The following SSBP3 variants were observed in gnomAD, a reference collection of about 807,000 sequenced individuals.
SSBP3 encodes single stranded DNA binding protein 3, also known as single-stranded DNA-binding protein 3.
Under a neutral mutation model 69.6 loss-of-function variants are expected in SSBP3, and 5 were observed. The observed-to-expected ratio is 0.07, with a 90% confidence interval of 0.04 to 0.15. The LOEUF (loss-of-function observed/expected upper bound fraction) is 0.15, where lower values mean the gene tolerates loss of function less well. Ranked by LOEUF, SSBP3 falls within the 10% of genes least tolerant of loss-of-function variation. The probability of loss-of-function intolerance (pLI) is 1.00; values close to 1 mark genes in which losing one functional copy is unlikely to be tolerated. For synonymous variants in SSBP3, 196 were observed against 193.4 expected, an observed-to-expected ratio of 1.01 and a Z score of -0.11; for missense variants, 312 against 534.0, an observed-to-expected ratio of 0.58 and a Z score of 4.10.
intron 4 of SSBP3, among the ~76,000 whole-genome samples, chr1:54,322,285 T>C (rs1348720281): frequency 6.6e-6 from 1 of 152,064 alleles, no homozygotes; most frequent in African/African-American, 2.4e-5. Context: ...GCATCAGAGA[T>C]TCATCGCAGC....
chr1:54,279,098 G>A (rs554219281), intron 5 of SSBP3, among the ~76,000 whole-genome samples: 15 of 152,264 alleles, frequency 9.9e-5, no homozygotes, highest in East Asian at 9.7e-4. Context: ...AAATGATGCC[G>A]GGAAGTGAGA....
chr1:54,233,444 T>C (rs1644421656), intron 14 of SSBP3, among the ~76,000 whole-genome samples: 1 of 149,010 alleles, frequency 6.7e-6, no homozygotes, highest in Non-Finnish European at 1.5e-5. Context: ...ATCTGGGAAG[T>C]GAGGAGCGTC....
intron 10 of SSBP3, among the ~76,000 whole-genome samples, 153 bp from the exon 11 acceptor site, chr1:54,242,365 T>C (rs141349895): frequency 2.0e-4 from 31 of 152,336 alleles, no homozygotes; most frequent in African/African-American, 6.7e-4. Flanking sequence ...AGGGCAGTAA[T>C]GGGTAACTTC....
At chr1:54,406,059 G>GCCGCCA (rs1557600136) in exon 1 of SSBP3, 4 of 1,407,180 alleles carry the variant, frequency 2.8e-6, no homozygotes, top group African/African-American at 1.5e-5. Context: ...CGCCGCCGCC[G>GCCGCCA]CTACCGCTCC....
At chr1:54,382,750 C>T (rs1206644943) in intron 4 of SSBP3, among the ~76,000 whole-genome samples, 2 of 151,810 alleles carry the variant, frequency 1.3e-5, no homozygotes, top group African/African-American at 4.8e-5. Context: ...CTTTAGGAGA[C>T]TGAGGCAGGT....
intron 4 of SSBP3, among the ~76,000 whole-genome samples, chr1:54,303,397 C>CAGGT (rs1645839789): frequency 7.7e-6 from 1 of 130,304 alleles, no homozygotes; most frequent in Non-Finnish European, 1.7e-5. Context: ...AGGGGGCAGG[C>CAGGT]CCTGGCACCA....
chr1:54,260,415 A>G (rs702496), intron 5 of SSBP3, among the ~76,000 whole-genome samples: 1 of 152,076 alleles, frequency 6.6e-6, no homozygotes, highest in African/African-American at 2.4e-5. Context: ...GGAGGGCAGG[A>G]GGCTGGCTCA....
chr1:54,389,982 T>C (rs939439324), intron 4 of SSBP3, among the ~76,000 whole-genome samples: 2 of 152,036 alleles, frequency 1.3e-5, no homozygotes, highest in African/African-American at 4.8e-5. Context: ...CTCTACAAAA[T>C]AGGAATAACA....
chr1:54,289,712 T>C (rs1340787048), intron 4 of SSBP3, among the ~76,000 whole-genome samples: 1 of 152,084 alleles, frequency 6.6e-6, no homozygotes, highest in African/African-American at 2.4e-5. Context: ...TGAGAGATTA[T>C]GCTGTCATTT....
chr1:54,329,012 T>G (rs1646359307), intron 4 of SSBP3, among the ~76,000 whole-genome samples: 1 of 152,310 alleles, frequency 6.6e-6, no homozygotes, highest in Middle Eastern at 3.4e-3. Context: ...CCCTGAAGGG[T>G]ACCTAGATCC....
intron 7 of SSBP3, among the ~76,000 whole-genome samples, chr1:54,256,797 G>A (rs1644929971): frequency 6.6e-6 from 1 of 152,210 alleles, no homozygotes. Context: ...TCCAAGAAGG[G>A]GGTAGAAGGG....
At chr1:54,399,748 C>A (rs997504459) in intron 4 of SSBP3, among the ~76,000 whole-genome samples, 1 of 152,118 alleles carries the variant, frequency 6.6e-6, no homozygotes, top group Non-Finnish European at 1.5e-5. Context: ...AAGGGAGAGA[C>A]TAGATGAAGA....
At chr1:54,390,568 A>G (rs1200407182) in intron 4 of SSBP3, among the ~76,000 whole-genome samples, 2 of 152,270 alleles carry the variant, frequency 1.3e-5, no homozygotes, top group East Asian at 3.8e-4. Flanking sequence ...GCTCGCTGAC[A>G]GAAATTCACT....
At chr1:54,304,131 A>C (rs938898408) in intron 4 of SSBP3, among the ~76,000 whole-genome samples, 4 of 152,190 alleles carry the variant, frequency 2.6e-5, no homozygotes, top group African/African-American at 7.2e-5. Flanking sequence ...GTGCAGGACA[A>C]GGGAGCCATG....
Position 54,299,654 on chromosome 1 carries a change from G to A in SSBP3, c.277-18127C>T, listed in dbSNP as rs556192900. Among the ~76,000 whole-genome samples, 11 of 152,232 alleles carry A rather than the reference G, an allele frequency of 7.2e-5. No individual in the cohort carries two copies. The East Asian group carries it at 1.7e-3, about 24-fold the overall frequency. Reference sequence around the variant, plus strand: ...AAATCATGCCAGCTCTCAGCAGGCCGGCCCACTTTCTCAGGTTCCACACAA... The same window carrying A: ...AAATCATGCCAGCTCTCAGCAGGCCAGCCCACTTTCTCAGGTTCCACACAA... On this transcript the variant is annotated intron_variant, in intron 4 of 17. Coordinates refer to ENST00000610401, the Ensembl canonical transcript of SSBP3.
chr1:54,279,753 C>T (rs1172890046), intron 5 of SSBP3, among the ~76,000 whole-genome samples: 1 of 152,230 alleles, frequency 6.6e-6, no homozygotes, highest in African/African-American at 2.4e-5. Context: ...CAGGAAGATG[C>T]CTGCCTTGGT....
chr1:54,252,676 T>G (rs1420814123), intron 7 of SSBP3, among the ~76,000 whole-genome samples: 2 of 152,208 alleles, frequency 1.3e-5, no homozygotes, highest in African/African-American at 4.8e-5. Flanking sequence ...GGGTGAACAC[T>G]TGCCCCACCC....
At chr1:54,283,861 C>T (rs1459985072) in intron 4 of SSBP3, among the ~76,000 whole-genome samples, 3 of 152,170 alleles carry the variant, frequency 2.0e-5, no homozygotes, top group South Asian at 4.1e-4. Flanking sequence ...GTGAGGGAAT[C>T]GCCAGCTTAT....
chr1:54,396,212 A>AAAAAAACAAAAC (rs1648868893), intron 4 of SSBP3, among the ~76,000 whole-genome samples: 2 of 146,638 alleles, frequency 1.4e-5, no homozygotes, highest in African/African-American at 4.9e-5. Context: ...AAAAAAAAAA[A>AAAAAAACAAAAC]AAAAAAACAA....
Sources: allele counts gnomAD v4.1 joint callset (sites outside exome capture counted in the v4.1 genomes callset), GRCh38; gene constraint gnomAD v4.1.1; transcripts MANE v1.5; gene names NCBI Gene and HGNC (gene_info 2026-07-23, HGNC 2026-07-21).